The following CPQ variants were observed in gnomAD, a reference collection of about 807,000 sequenced individuals.
The protein encoded by CPQ is Ser-Met dipeptidase.
Under a neutral mutation model 45.7 loss-of-function variants are expected in CPQ, and 37 were observed. The observed-to-expected ratio is 0.81, with a 90% CI of 0.62 to 1.07. CPQ has a LOEUF of 1.07. Among genes scored for constraint, CPQ ranks in the 50% least tolerant of loss-of-function variants. The probability of loss-of-function intolerance (pLI) is 0.00; values close to 1 mark genes in which losing one functional copy is unlikely to be tolerated. For synonymous variants in CPQ, 186 were observed against 205.8 expected (o/e 0.90, Z 0.82); for missense variants, 537 against 572.9 (o/e 0.94, Z 0.64).
At chr8:96,655,945 C>T (rs941335856) in intron 1 of CPQ, among the ~76,000 whole-genome samples, 11 of 152,198 alleles carry the variant, frequency 7.2e-5, no homozygotes, top group African/African-American at 2.4e-4. Flanking sequence ...GCCTTGACCT[C>T]CTGGGCTCAT....
chr8:97,045,555 T>A (rs1005946137), intron 6 of CPQ, among the ~76,000 whole-genome samples: 6 of 152,210 alleles, frequency 3.9e-5, no homozygotes, highest in Non-Finnish European at 7.3e-5. Flanking sequence ...CAGATGGAAA[T>A]GCAGAAATCA....
chr8:96,833,567 A>G (rs1811487730), intron 2 of CPQ, among the ~76,000 whole-genome samples: 1 of 152,218 alleles, frequency 6.6e-6, no homozygotes, highest in Non-Finnish European at 1.5e-5. Flanking sequence ...TCAAATTTCA[A>G]GGTAACTCCA....
intron 4 of CPQ, among the ~76,000 whole-genome samples, chr8:96,921,905 T>C (rs1333304168): frequency 6.6e-6 from 1 of 152,108 alleles, no homozygotes; most frequent in Non-Finnish European, 1.5e-5. Flanking sequence ...AGAAAGTGAA[T>C]AGATGAGGTG....
intron 7 of CPQ, among the ~76,000 whole-genome samples, chr8:97,078,806 T>TCC (rs71271111): frequency 7.2e-6 from 1 of 138,388 alleles, no homozygotes; most frequent in Non-Finnish European, 1.6e-5. Context: ...TCTCTCTCTC[T>TCC]CCCTCTCTCC....
Position 97,113,709 on chromosome 8 carries a change from G to C in CPQ, c.1256-29311G>C, listed in dbSNP as rs571222261. On this transcript the variant is annotated intron_variant, in intron 7 of 7. Coordinates refer to ENST00000220763, the MANE Select transcript of CPQ (RefSeq NM_016134.4). ...AGGCAACAACAACTGAGCTCAGTTAGAGCGCAACAAATGTCAGCTCTAATC... is the reference window on the plus strand; with the variant it reads ...AGGCAACAACAACTGAGCTCAGTTACAGCGCAACAAATGTCAGCTCTAATC... Among the ~76,000 whole-genome samples, 30 of 152,322 alleles carry C rather than the reference G, an allele frequency of 2.0e-4. 1 individual carries two copies. Among genetic ancestry groups the C allele is most frequent in the African/African-American group, 7.2e-4 (30 of 41,580 alleles).
In CPQ at chr8:96,833,550, A is replaced by T. The variant is rs151291710; in HGVS notation, c.434-1423A>T. On this transcript the variant is annotated intron_variant, in intron 2 of 7. Transcript: ENST00000220763. Reference sequence around the variant, plus strand: ...AAGTTCCCATACTATGCCAACAATAACGCCAGTCAAATTTCAAGGTAACTC... The same window carrying T: ...AAGTTCCCATACTATGCCAACAATATCGCCAGTCAAATTTCAAGGTAACTC... Among the ~76,000 whole-genome samples the T allele has an allele frequency of 2.8e-3, 432 of 152,318 alleles. 3 individuals carry two copies. Among genetic ancestry groups the T allele is most frequent in the African/African-American group, 1.0e-2 (414 of 41,568 alleles).
At chr8:97,077,783 C>A (rs1266536410) in intron 7 of CPQ, among the ~76,000 whole-genome samples, 1 of 151,860 alleles carries the variant, frequency 6.6e-6, no homozygotes, top group Non-Finnish European at 1.5e-5. Flanking sequence ...AAAGTGGATC[C>A]ACACACTTCA....
chr8:97,061,239 C>G (rs1810545234), intron 6 of CPQ, among the ~76,000 whole-genome samples: 1 of 152,054 alleles, frequency 6.6e-6, no homozygotes, highest in African/African-American at 2.4e-5. Context: ...TAGTTGGAAG[C>G]AAATTGTGGA....
chr8:96,646,977 C>T (rs1815525823), intron 1 of CPQ, among the ~76,000 whole-genome samples: 1 of 152,166 alleles, frequency 6.6e-6, no homozygotes, highest in African/African-American at 2.4e-5. Flanking sequence ...GTCACAGGCT[C>T]CTGGTCCTGG....
intron 7 of CPQ, among the ~76,000 whole-genome samples, chr8:97,067,016 T>C (rs993473238): frequency 1.4e-5 from 2 of 140,472 alleles, no homozygotes; most frequent in Non-Finnish European, 3.0e-5. Context: ...AACCTCCACC[T>C]CCTGGCCTTA....
chr8:97,083,396 T>C (rs1810990024), intron 7 of CPQ, among the ~76,000 whole-genome samples: 1 of 152,126 alleles, frequency 6.6e-6, no homozygotes. Context: ...ATTGGGTTCT[T>C]AGCATACTTA....
chr8:96,799,308 G>T (rs1382226387), intron 2 of CPQ, among the ~76,000 whole-genome samples: 1 of 152,154 alleles, frequency 6.6e-6, no homozygotes, highest in Non-Finnish European at 1.5e-5. Context: ...AGCACATCTA[G>T]CAAAAGAAGG....
intron 6 of CPQ, among the ~76,000 whole-genome samples, chr8:97,043,587 G>T (rs966773013): frequency 6.6e-6 from 1 of 152,122 alleles, no homozygotes; most frequent in African/African-American, 2.4e-5. Context: ...AGCCTCGATG[G>T]TCTTTACAAT....
At position 96,940,021 on chromosome 8, in the gene CPQ, CAGGG is replaced by C. The variant is rs549148674; in HGVS notation, c.850-25912_850-25909del. On this transcript the variant is annotated intron_variant, in intron 4 of 7. Transcript: ENST00000220763. ...AACTTTTTACCATCAATACTCTTTT[CAGGG>C]ATACCAAGCAAAAACTTAATGAGAG... Among the ~76,000 whole-genome samples, 19 of 152,198 alleles carry C rather than the reference CAGGG, an allele frequency of 1.2e-4. No homozygotes were observed. In the South Asian group the frequency reaches 3.9e-3, roughly 32 times the overall value.
intron 2 of CPQ, among the ~76,000 whole-genome samples, chr8:96,803,330 G>T (rs150943416): frequency 1.3e-5 from 2 of 152,310 alleles, no homozygotes; most frequent in African/African-American, 4.8e-5. Flanking sequence ...CAATTCAAAT[G>T]CTGGATGGAA....
intron 4 of CPQ, among the ~76,000 whole-genome samples, chr8:96,959,885 C>G (rs371003256): frequency 2.1e-4 from 8 of 37,698 alleles, no homozygotes; most frequent in South Asian, 1.7e-3. Flanking sequence ...TAAAAAATCA[C>G]AAAAGCAAAA....
chr8:96,888,902 T>A (rs1812337748), intron 4 of CPQ, among the ~76,000 whole-genome samples: 1 of 152,234 alleles, frequency 6.6e-6, no homozygotes. Flanking sequence ...GGTATTGGTA[T>A]GTGTGAGGCA....
chr8:96,808,538 T>G lies in CPQ; in HGVS notation c.433+23208T>G, dbSNP rs193218339. Among the ~76,000 whole-genome samples, 70 of 152,350 alleles carry G rather than the reference T, an allele frequency of 4.6e-4. 1 individual carries two copies. The highest frequency in any genetic ancestry group is 1.7e-3 in the African/African-American group (70 of 41,584). On this transcript the variant is annotated intron_variant, in intron 2 of 7. Transcript: ENST00000220763. ...ATCCAAAATATTTTTGCTAAAATTC[T>G]CTAGAGTTGAATTTGGGAACACCAG...
chr8:96,762,331 T>C (rs1206004756), intron 1 of CPQ, among the ~76,000 whole-genome samples: 10 of 152,184 alleles, frequency 6.6e-5, no homozygotes, highest in African/African-American at 2.4e-4. Flanking sequence ...AGTTATGACA[T>C]GGACCACCTG....
Sources: gnomAD v4.1 joint callset for allele counts (sites outside exome capture counted in the v4.1 genomes callset) on GRCh38, gnomAD v4.1.1 for gene constraint, MANE v1.5 for transcripts, NCBI Gene and HGNC (gene_info 2026-07-23, HGNC 2026-07-21) for gene names.